The following ACSS3 variants were observed in gnomAD, a reference collection of about 807,000 sequenced individuals.
ACSS3 encodes acyl-CoA synthetase short chain family member 3, also known as acyl-CoA synthetase short-chain family member 3, mitochondrial.
In ACSS3, 64 loss-of-function variants were observed where a neutral mutation model predicts 84.2. The observed-to-expected ratio is 0.76, with a 90% confidence interval of 0.62 to 0.94. ACSS3 has a LOEUF of 0.94. Ranked by LOEUF, ACSS3 falls within the 40% of genes least tolerant of loss-of-function variation. The pLI is 0.00. For missense variants in ACSS3, 815 were observed against 867.6 expected (o/e 0.94, Z 0.76); for synonymous variants, 317 against 310.1 (o/e 1.02, Z -0.23).
chr12:81,231,138 T>C lies in ACSS3; in HGVS notation c.1596T>C (p.Pro532=). 2 of 1,603,304 alleles carry C rather than the reference T, an allele frequency of 1.2e-6. No homozygotes were observed. Among genetic ancestry groups the C allele is most frequent in the Non-Finnish European group, 1.7e-6 (2 of 1,173,170 alleles). ...AGCATTTATACTTTGAAAAATTTCC[T>C]GTAAGAACTTTAATATGCTTTTTTA... ...AFKHLYFEKF[P]GYYDTMDAGY... The change falls in exon 12 of 16, where the codon CCT becomes CCC. Residue 532 remains proline (P), a splice_region_variant and synonymous_variant. Coordinates refer to ENST00000548058, the MANE Select transcript of ACSS3 (RefSeq NM_024560.4).
At chr12:81,243,204 A>G (rs1460345676) in intron 13 of ACSS3, among the ~76,000 whole-genome samples, 2 of 152,142 alleles carry the variant, frequency 1.3e-5, no homozygotes, top group Non-Finnish European at 2.9e-5. Flanking sequence ...AGGCATTCTT[A>G]TACACCAATA....
At chr12:81,214,284 C>T (rs535950836) in intron 9 of ACSS3, among the ~76,000 whole-genome samples, 30 of 152,066 alleles carry the variant, frequency 2.0e-4, no homozygotes, top group Non-Finnish European at 3.1e-4. Flanking sequence ...CCTCGGCCTC[C>T]GAAAGTGCTG....
chr12:81,168,468 G>A (rs1887504815), intron 7 of ACSS3, among the ~76,000 whole-genome samples: 1 of 152,106 alleles, frequency 6.6e-6, no homozygotes, highest in Non-Finnish European at 1.5e-5. Flanking sequence ...TTCGAGTCAG[G>A]AACTCCGTAT....
chr12:81,247,358 G>T (rs2034015705), intron 13 of ACSS3, among the ~76,000 whole-genome samples: 1 of 152,058 alleles, frequency 6.6e-6, no homozygotes, highest in South Asian at 2.1e-4. Context: ...GAAAAGAGGA[G>T]TATCAACCTA....
chr12:81,204,224 A>C (rs953737122), intron 9 of ACSS3, among the ~76,000 whole-genome samples: 8 of 152,082 alleles, frequency 5.3e-5, no homozygotes, highest in African/African-American at 1.7e-4. Flanking sequence ...GTTAAAGTTC[A>C]GAGACTTACT....
intron 13 of ACSS3, among the ~76,000 whole-genome samples, chr12:81,246,848 C>G (rs533371313): frequency 6.6e-6 from 1 of 152,108 alleles, no homozygotes; most frequent in Admixed American, 6.5e-5. Context: ...GGCTTAGTAC[C>G]TGGGTGATGA....
intron 9 of ACSS3, among the ~76,000 whole-genome samples, chr12:81,212,643 A>G (rs1448025662): frequency 6.6e-6 from 1 of 152,198 alleles, no homozygotes; most frequent in Non-Finnish European, 1.5e-5. Context: ...AATAAATGCA[A>G]TTATATAGAT....
chr12:81,225,141 T>C (rs1485152298), intron 11 of ACSS3, among the ~76,000 whole-genome samples: 1 of 151,762 alleles, frequency 6.6e-6, no homozygotes, highest in Admixed American at 6.6e-5. Flanking sequence ...TCCATGTAGA[T>C]AAAGGGGAAC....
intron 7 of ACSS3, among the ~76,000 whole-genome samples, chr12:81,169,704 T>A (rs897344298): frequency 1.3e-5 from 2 of 152,196 alleles, no homozygotes; most frequent in Non-Finnish European, 2.9e-5. Context: ...ATATCCTGGA[T>A]AACTGCTTAT....
intron 13 of ACSS3, among the ~76,000 whole-genome samples, chr12:81,248,423 A>G (rs2034050745): frequency 6.6e-6 from 1 of 152,044 alleles, no homozygotes; most frequent in Admixed American, 6.6e-5. Flanking sequence ...ATGGAACTGG[A>G]TTTCATTATG....
Position 81,132,039 on chromosome 12 carries a change from T to C in ACSS3, c.457-2777T>C, listed in dbSNP as rs540736218. Among the ~76,000 whole-genome samples the C allele has an allele frequency of 7.9e-4, 120 of 152,340 alleles. 1 individual carries two copies. Among genetic ancestry groups the C allele is most frequent in the Middle Eastern group, 3.4e-3 (1 of 294 alleles). On this transcript the variant is annotated intron_variant, in intron 2 of 15. Coordinates refer to ENST00000548058, the MANE Select transcript of ACSS3 (RefSeq NM_024560.4). ...CTGGATTCGGTTTGCCAGTATTTTA[T>C]TGAGGATTTTTGCATCGATGTTCAT...
chr12:81,209,635 G>A (rs1180381436), intron 9 of ACSS3, among the ~76,000 whole-genome samples: 2 of 152,122 alleles, frequency 1.3e-5, no homozygotes, highest in African/African-American at 2.4e-5. Flanking sequence ...AGTCCATAGA[G>A]TAAAGTGAAA....
At chr12:81,148,159 T>TA (rs35252984) in intron 5 of ACSS3, among the ~76,000 whole-genome samples, 134 of 148,866 alleles carry the variant, frequency 9.0e-4, no homozygotes, top group Middle Eastern at 3.4e-3. Context: ...TAAAGACCAT[T>TA]AAAAAAAAAA....
At chr12:81,136,765 A>C (rs150101437) in intron 3 of ACSS3, among the ~76,000 whole-genome samples, 2 of 152,176 alleles carry the variant, frequency 1.3e-5, no homozygotes, top group African/African-American at 2.4e-5. Context: ...TGAACAGGCA[A>C]GTGTCATGTT....
chr12:81,098,177 TGTGA>T lies in ACSS3; in HGVS notation c.312-11381_312-11378del, dbSNP rs762405887. On this transcript the variant is annotated intron_variant, in intron 1 of 15. Transcript: ENST00000548058. ...GTGTGTGTGTGTGTGTGTGTGTGTG[TGTGA>T]GACTGTGCCCTGCGATAGGATGGTG... Among the ~76,000 whole-genome samples the T allele has an allele frequency of 2.2e-3, 328 of 149,138 alleles. 1 individual carries two copies. Among genetic ancestry groups the T allele is most frequent in the South Asian group, 4.7e-3 (22 of 4,684 alleles).
intron 9 of ACSS3, among the ~76,000 whole-genome samples, chr12:81,213,868 C>T (rs2032755909): frequency 3.4e-5 from 4 of 116,254 alleles, no homozygotes; most frequent in East Asian, 5.7e-4. Context: ...CTCTTCCTTT[C>T]TTTCTTTCTT....
At chr12:81,236,249 G>A (rs577942709) in intron 13 of ACSS3, among the ~76,000 whole-genome samples, 5 of 151,374 alleles carry the variant, frequency 3.3e-5, no homozygotes, top group Admixed American at 6.6e-5. Flanking sequence ...ACAATGTTAC[G>A]TGAATTACAT....
intron 10 of ACSS3, among the ~76,000 whole-genome samples, chr12:81,217,840 A>T (rs1201015617): frequency 6.6e-6 from 1 of 152,112 alleles, no homozygotes; most frequent in Non-Finnish European, 1.5e-5. Flanking sequence ...TCTGTCTCAA[A>T]AAATAAATAA....
Position 81,170,113 on chromosome 12 carries a change from T to C in ACSS3, c.1099-4675T>C, listed in dbSNP as rs949811034. On this transcript the variant is annotated intron_variant, in intron 7 of 15. Coordinates refer to ENST00000548058, the MANE Select transcript of ACSS3 (RefSeq NM_024560.4). ...AGAAATGGAATCATAGGATTAATCA[T>C]AGGATTAATAATAAAGCAAATTTTT... Among the ~76,000 whole-genome samples the C allele has an allele frequency of 7.2e-5, 11 of 152,282 alleles. No homozygotes were observed. In the South Asian group the frequency reaches 1.0e-3, roughly 14 times the overall value.
Sources: gnomAD v4.1 joint callset for allele counts (sites outside exome capture counted in the v4.1 genomes callset) on GRCh38, gnomAD v4.1.1 for gene constraint, MANE v1.5 for transcripts, NCBI Gene and HGNC (gene_info 2026-07-23, HGNC 2026-07-21) for gene names.